The following RECK variants were observed in gnomAD, a reference collection of about 807,000 sequenced individuals.
The protein encoded by RECK is reversion inducing cysteine rich protein with kazal motifs.
RECK carries 69 observed loss-of-function variants against 115.1 expected under a neutral mutation model. That is an observed-to-expected ratio of 0.60 (90% confidence interval 0.49 to 0.73). The LOEUF (loss-of-function observed/expected upper bound fraction) is 0.73, where lower values mean the gene tolerates loss of function less well. Ranked by LOEUF, RECK falls within the 30% of genes least tolerant of loss-of-function variation. The pLI, the probability that RECK is intolerant of heterozygous loss-of-function variation, is 0.00. For synonymous variants in RECK, 414 were observed against 419.7 expected, an observed-to-expected ratio of 0.99 and a Z score of 0.17; for missense variants, 1,047 against 1,203.7, an observed-to-expected ratio of 0.87 and a Z score of 1.93.
chr9:36,109,186 A>G (rs1349115612), intron 14 of RECK, among the ~76,000 whole-genome samples: 2 of 152,168 alleles, frequency 1.3e-5, no homozygotes, highest in Non-Finnish European at 2.9e-5. Context: ...CTAAATGCCT[A>G]TTCTGTACAA....
At chr9:36,105,098 T>C (rs766764826) in intron 12 of RECK, 45 bp from the exon 13 acceptor site, 32 of 1,541,148 alleles carry the variant, frequency 2.1e-5, no homozygotes, top group Non-Finnish European at 2.8e-5. Flanking sequence ...CAGTTTTCTC[T>C]TACTCTTTTA....
At chr9:36,037,588 C>T (rs1273305041) in intron 1 of RECK, among the ~76,000 whole-genome samples, 1 of 151,802 alleles carries the variant, frequency 6.6e-6, no homozygotes, top group East Asian at 2.0e-4. Context: ...TGGACTCGGG[C>T]AGGAGACATT....
At chr9:36,071,004 G>C (rs1259297717) in intron 6 of RECK, among the ~76,000 whole-genome samples, 1 of 152,200 alleles carries the variant, frequency 6.6e-6, no homozygotes, top group Non-Finnish European at 1.5e-5. Flanking sequence ...TGAATGTGTT[G>C]TGAAGCTACA....
chr9:36,058,790 A>G, intron 2 of RECK, 37 bp from the exon 3 acceptor site: 1 of 1,514,352 alleles, frequency 6.6e-7, no homozygotes, highest in Non-Finnish European at 9.0e-7. Flanking sequence ...TTCTTATAGA[A>G]AAATGCCACA....
At chr9:36,112,180 T>C in intron 15 of RECK, 125 bp from the exon 16 acceptor site, 1 of 751,096 alleles carries the variant, frequency 1.3e-6, no homozygotes, top group Non-Finnish European at 2.0e-6. Context: ...TTTTCCTGAC[T>C]TAATTTACAA....
intron 1 of RECK, among the ~76,000 whole-genome samples, chr9:36,038,710 G>A (rs1820760381): frequency 6.6e-6 from 1 of 151,970 alleles, no homozygotes. Context: ...AAGTATGTTC[G>A]GGAAATACTG....
intron 6 of RECK, among the ~76,000 whole-genome samples, chr9:36,079,539 A>C (rs999417095): frequency 6.6e-6 from 1 of 152,210 alleles, no homozygotes; most frequent in Non-Finnish European, 1.5e-5. Context: ...ATTATTTAGC[A>C]GAGAAAATGA....
chr9:36,059,395 G>A lies in RECK; in HGVS notation c.234+494G>A, dbSNP rs574972843. ...TGCTTGAACCCAGGAGGCGGAGGTT[G>A]CAGTGAGCTGAGATAGCATCACTGC... On this transcript the variant is annotated intron_variant, in intron 3 of 20. Coordinates refer to ENST00000377966, the MANE Select transcript of RECK (RefSeq NM_021111.3). Among the ~76,000 whole-genome samples the A allele has an allele frequency of 5.3e-5, 8 of 151,332 alleles. No homozygotes were observed. In the South Asian group the frequency reaches 1.5e-3, roughly 28 times the overall value.
chr9:36,111,359 A>C (rs911703833), intron 15 of RECK, among the ~76,000 whole-genome samples: 1 of 152,184 alleles, frequency 6.6e-6, no homozygotes, highest in African/African-American at 2.4e-5. Context: ...ACTGTCTTAG[A>C]CATGAGAGTG....
At chr9:36,104,292 G>GTGTGCATA (rs34438663) in intron 12 of RECK, among the ~76,000 whole-genome samples, 2 of 43,884 alleles carry the variant, frequency 4.6e-5, no homozygotes, top group Non-Finnish European at 3.9e-5. Flanking sequence ...GTGTGTGTGT[G>GTGTGCATA]TATATATATA....
In RECK at chr9:36,058,844, T is replaced by A. The variant is rs1212696467; in HGVS notation, c.177T>A (p.Ser59Arg). Residue 59 changes from serine (S) to arginine (R), a missense_variant, in exon 3 of 21, where the codon AGT becomes AGA. Physicochemically the swap from Ser to Arg is moderately radical, Grantham distance 110 (BLOSUM62 -1). Transcript: ENST00000377966. ...TCAAATAGATTTTCTCCTCAAAAAGTGAATCCCGACTAAAACATCTGTTGC... is the reference window on the plus strand; with the variant it reads ...TCAAATAGATTTTCTCCTCAAAAAGAGAATCCCGACTAAAACATCTGTTGC... ...DVCEQIFSSK[S>R]ESRLKHLLQR... The A allele has an allele frequency of 1.9e-6, 3 of 1,592,824 alleles. No individual in the cohort carries two copies. The South Asian group carries it at 3.4e-5, about 18-fold the overall frequency.
rs1213726902 is a variant in RECK, at chr9:36,058,842, A to G, written c.175A>G (p.Ser59Gly). 6.3e-7 allele frequency: 1 copy of G among 1,595,532 alleles called. No individual in the cohort carries two copies. The highest frequency in any genetic ancestry group is 1.1e-5 in the South Asian group (1 of 88,394). The change falls in exon 3 of 21, where the codon AGT becomes GGT. Residue 59 changes from serine (S) to glycine (G), a missense_variant. Transcript: ENST00000377966. ...DVCEQIFSSK[S>G]ESRLKHLLQR... is the part of the protein sequence containing the mutation. Reference sequence around the variant, plus strand: ...TGTCAAATAGATTTTCTCCTCAAAAAGTGAATCCCGACTAAAACATCTGTT... The same window carrying G: ...TGTCAAATAGATTTTCTCCTCAAAAGGTGAATCCCGACTAAAACATCTGTT...
At chr9:36,058,800 A>G in intron 2 of RECK, 27 bp from the exon 3 acceptor site, 3 of 1,547,022 alleles carry the variant, frequency 1.9e-6, no homozygotes, top group South Asian at 1.2e-5. Context: ...AAAATGCCAC[A>G]AAAACTTTTT....
chr9:36,110,841 A>G (rs1255991630), intron 15 of RECK, among the ~76,000 whole-genome samples: 1 of 152,170 alleles, frequency 6.6e-6, no homozygotes, highest in African/African-American at 2.4e-5. Context: ...GAGGAGAGTA[A>G]GGATTTACCA....
chr9:36,089,782 A>G (rs575237080), intron 9 of RECK, among the ~76,000 whole-genome samples: 2 of 152,128 alleles, frequency 1.3e-5, no homozygotes, highest in Admixed American at 6.6e-5. Flanking sequence ...TCTAAAATCC[A>G]AAAAAAATCC....
intron 15 of RECK, 30 bp downstream of exon 15, chr9:36,110,109 A>G (rs568681152): frequency 1.3e-5 from 20 of 1,572,368 alleles, no homozygotes; most frequent in Non-Finnish European, 7.0e-6. Flanking sequence ...GTCTGTCCTC[A>G]GGGGCCATCA....
At chr9:36,038,908 TTAGA>T (rs1820768186) in intron 1 of RECK, among the ~76,000 whole-genome samples, 2 of 152,030 alleles carry the variant, frequency 1.3e-5, no homozygotes, top group Admixed American at 1.3e-4. Flanking sequence ...TGTTCTAAAA[TTAGA>T]TAGTGGTGAT....
At chr9:36,121,993 A>T (rs1316747636) in intron 20 of RECK, among the ~76,000 whole-genome samples, 1 of 152,152 alleles carries the variant, frequency 6.6e-6, no homozygotes, top group African/African-American at 2.4e-5. Context: ...CACTGTCTCT[A>T]ATCCACCCAT....
intron 16 of RECK, among the ~76,000 whole-genome samples, chr9:36,113,563 C>T (rs2132668434): frequency 6.6e-6 from 1 of 152,226 alleles, no homozygotes. Flanking sequence ...ATGAGGTTGT[C>T]TTGCTTTTAT....
Sources: allele counts gnomAD v4.1 joint callset (sites outside exome capture counted in the v4.1 genomes callset), GRCh38; gene constraint gnomAD v4.1.1; transcripts MANE v1.5; gene names NCBI Gene and HGNC (gene_info 2026-07-23, HGNC 2026-07-21).